The following ARHGAP40 variants were observed in gnomAD, a reference collection of about 807,000 sequenced individuals.
The protein encoded by ARHGAP40 is Rho GTPase activating protein 40.
Under a neutral mutation model 73.5 loss-of-function variants are expected in ARHGAP40, and 43 were observed. The ratio of observed to expected loss-of-function variants is 0.58; its 90% CI spans 0.46 to 0.75. The LOEUF (loss-of-function observed/expected upper bound fraction) is 0.75. Among genes scored for constraint, ARHGAP40 ranks in the 30% least tolerant of loss-of-function variants. The pLI is 0.00. For missense variants in ARHGAP40, 734 were observed against 861.8 expected, an observed-to-expected ratio of 0.85 and a Z score of 1.86; for synonymous variants, 300 against 352.8, an observed-to-expected ratio of 0.85 and a Z score of 1.68.
chr20:38,648,613 G>GTTTTTT, intron 13 of ARHGAP40, 30 bp from the exon 14 acceptor site: 3 of 1,071,992 alleles, frequency 2.8e-6, no homozygotes, highest in African/African-American at 1.7e-5. Flanking sequence ...AAAGGCAGTA[G>GTTTTTT]TTTTTTTTTT....
At chr20:38,650,262 C>T in exon 15 of ARHGAP40, 1 of 446,566 alleles carries the variant, frequency 2.2e-6, no homozygotes, top group Admixed American at 2.5e-5. Context: ...CCATGGGCTT[C>T]TGTCTGTGGC....
rs1164313343 is a variant in ARHGAP40 at position 38,646,485 on chromosome 20, C to G, written c.1710+298C>G. 6.6e-6 allele frequency among the ~76,000 whole-genome samples: 1 copy of G among 152,186 alleles called. No homozygotes were observed. Among genetic ancestry groups the G allele is most frequent in the Non-Finnish European group, 1.5e-5 (1 of 68,048 alleles). Reference sequence around the variant, plus strand: ...CCGAGGGTTGGGAAAATGGGAGTCGCTCTGCGGGGTGTGAGGTGATTGGGG... The same window carrying G: ...CCGAGGGTTGGGAAAATGGGAGTCGGTCTGCGGGGTGTGAGGTGATTGGGG... On this transcript the variant is annotated intron_variant, in intron 12 of 14. Coordinates refer to ENST00000373345, the Ensembl canonical transcript of ARHGAP40. This position sits in a 1 kb window ranked among gnomAD's most constrained non-coding sequence, Gnocchi z 4.5.
At chr20:38,612,967 G>A (rs1371393924) in intron 1 of ARHGAP40, among the ~76,000 whole-genome samples, 1 of 152,252 alleles carries the variant, frequency 6.6e-6, no homozygotes, top group African/African-American at 2.4e-5. Flanking sequence ...CCACAGGGCT[G>A]CGCTGCTGGC....
intron 9 of ARHGAP40, among the ~76,000 whole-genome samples, chr20:38,641,121 T>C (rs2089015884): frequency 6.6e-6 from 1 of 151,690 alleles, no homozygotes; most frequent in Admixed American, 6.6e-5. Flanking sequence ...GGTAGGTAGG[T>C]AGGTCATATG....
intron 1 of ARHGAP40, among the ~76,000 whole-genome samples, chr20:38,619,131 C>T (rs1287244209): frequency 2.0e-5 from 3 of 152,160 alleles, no homozygotes; most frequent in African/African-American, 7.2e-5. Flanking sequence ...GACTTTAAGT[C>T]TGAGACAGGA....
At position 38,646,171 on chromosome 20, in the gene ARHGAP40, G is replaced by C. The variant is rs1477273494; in HGVS notation, c.1694G>C (p.Gly565Ala). Residue 565 changes from glycine (G) to alanine (A), a missense_variant, in exon 12 of 15, where the codon GGG (glycine) becomes GCG (alanine). Coordinates refer to ENST00000373345, the Ensembl canonical transcript of ARHGAP40. This position sits in a 1 kb window ranked among gnomAD's most constrained non-coding sequence, Gnocchi z 4.5. Reference sequence around the variant, plus strand: ...ATGCACGCAGACAGGGACAAGGCGGGGGACGGCCTCGAGGCGGTGAGTGCC... The same window carrying C: ...ATGCACGCAGACAGGGACAAGGCGGCGGACGGCCTCGAGGCGGTGAGTGCC... 2 of 1,302,966 alleles carry C rather than the reference G, an allele frequency of 1.5e-6. No homozygotes were observed. Among genetic ancestry groups the C allele is most frequent in the East Asian group, 5.6e-5 (1 of 18,002 alleles). 80.7% of individuals were successfully genotyped at this position (1,302,966 alleles called of 1,614,324 possible).
chr20:38,617,118 C>T (rs1174417627), intron 1 of ARHGAP40, among the ~76,000 whole-genome samples: 1 of 152,268 alleles, frequency 6.6e-6, no homozygotes, highest in South Asian at 2.1e-4. Context: ...TTGCTGAAGC[C>T]AGGCCACGCT....
chr20:38,641,027 T>A (rs1280910831), intron 9 of ARHGAP40, among the ~76,000 whole-genome samples: 1 of 151,672 alleles, frequency 6.6e-6, no homozygotes, highest in African/African-American at 2.4e-5. Flanking sequence ...GCACAGCACC[T>A]GACAGGTACT....
chr20:38,627,421 G>T (rs1242029860), intron 3 of ARHGAP40, among the ~76,000 whole-genome samples: 1 of 144,736 alleles, frequency 6.9e-6, no homozygotes, highest in Non-Finnish European at 1.5e-5. Flanking sequence ...TGTGTTGGGG[G>T]TGTGTGTGTT....
At chr20:38,649,041 AG>A (rs772724458) in intron 14 of ARHGAP40, among the ~76,000 whole-genome samples, 2 of 152,202 alleles carry the variant, frequency 1.3e-5, no homozygotes, top group African/African-American at 2.4e-5. Flanking sequence ...TCCCTGGCCT[AG>A]GGGCCAAGGA....
intron 1 of ARHGAP40, among the ~76,000 whole-genome samples, chr20:38,617,992 A>T (rs1354394578): frequency 6.6e-6 from 1 of 152,168 alleles, no homozygotes; most frequent in African/African-American, 2.4e-5. Context: ...AAAATGAGGA[A>T]GCTAAGGTCC....
intron 1 of ARHGAP40, among the ~76,000 whole-genome samples, chr20:38,622,098 C>CAT (rs201140706): frequency 1.6e-4 from 24 of 150,640 alleles, no homozygotes; most frequent in Middle Eastern, 3.4e-3. Flanking sequence ...CAGAAAAGCA[C>CAT]ATATATATAT....
At chr20:38,602,864 C>T (rs901579759) in intron 1 of ARHGAP40, among the ~76,000 whole-genome samples, 10 of 152,206 alleles carry the variant, frequency 6.6e-5, no homozygotes, top group Admixed American at 5.9e-4. Context: ...AGTGGCCTGC[C>T]AGGATCCAAC....
At chr20:38,608,262 C>T (rs7273647) in intron 1 of ARHGAP40, among the ~76,000 whole-genome samples, 7,758 of 152,224 alleles carry the variant, frequency 0.051, 648 homozygotes, top group African/African-American at 0.18. Flanking sequence ...TGCTCCCCTT[C>T]CTGGGAGATT....
intron 1 of ARHGAP40, among the ~76,000 whole-genome samples, chr20:38,603,463 AT>A (rs2145590032): frequency 1.5e-5 from 2 of 133,166 alleles, no homozygotes; most frequent in African/African-American, 2.7e-5. Context: ...CTATCTATCT[AT>A]TCTATATCTA....
Position 38,620,198 on chromosome 20 carries a change from G to A in ARHGAP40, c.138-3161G>A, listed in dbSNP as rs1030148498. Among the ~76,000 whole-genome samples the A allele has an allele frequency of 9.2e-5, 14 of 152,330 alleles. No homozygotes were observed. In the East Asian group the frequency reaches 1.2e-3, roughly 13 times the overall value. On this transcript the variant is annotated intron_variant, in intron 1 of 14. Transcript: ENST00000373345. ...AGCACCTGAGTACTTTTCTGCATGCGCTATACCTCAACAAAGCGCTGGAAA... is the reference window on the plus strand; with the variant it reads ...AGCACCTGAGTACTTTTCTGCATGCACTATACCTCAACAAAGCGCTGGAAA...
At chr20:38,620,147 A>G (rs939167216) in intron 1 of ARHGAP40, among the ~76,000 whole-genome samples, 1 of 152,238 alleles carries the variant, frequency 6.6e-6, no homozygotes, top group Non-Finnish European at 1.5e-5. Context: ...AAACCAAATT[A>G]CAACTGGAGG....
At chr20:38,606,795 G>C (rs2088772692) in intron 1 of ARHGAP40, among the ~76,000 whole-genome samples, 1 of 152,156 alleles carries the variant, frequency 6.6e-6, no homozygotes, top group Non-Finnish European at 1.5e-5. Context: ...TCTGCCACTG[G>C]GGTCAATGTC....
intron 5 of ARHGAP40, among the ~76,000 whole-genome samples, chr20:38,634,088 A>C (rs2088958332): frequency 6.6e-6 from 1 of 152,164 alleles, no homozygotes; most frequent in African/African-American, 2.4e-5. Flanking sequence ...GCCGTGGCTC[A>C]TGCTTGTAAT....
Sources: gnomAD v4.1 joint callset for allele counts (sites outside exome capture counted in the v4.1 genomes callset) on GRCh38, gnomAD v4.1.1 for gene constraint, Gnocchi (gnomAD v3.1) non-coding constraint, MANE v1.5 for transcripts, NCBI Gene and HGNC (gene_info 2026-07-23, HGNC 2026-07-21) for gene names.